The following DIP2A variants were observed in gnomAD, a reference collection of about 807,000 sequenced individuals.
DIP2A encodes disco-interacting protein 2 homolog A.
Under a neutral mutation model 177.4 loss-of-function variants are expected in DIP2A, and 85 were observed. The ratio of observed to expected loss-of-function variants is 0.48; its 90% CI spans 0.40 to 0.57. The LOEUF (loss-of-function observed/expected upper bound fraction) is 0.57. DIP2A is among the 20% of genes least tolerant of loss of function. The pLI, the probability that DIP2A is intolerant of heterozygous loss-of-function variation, is 0.00. For synonymous variants in DIP2A, 886 were observed against 881.8 expected, an observed-to-expected ratio of 1.00 and a Z score of -0.08; for missense variants, 1,791 against 2,100.2, an observed-to-expected ratio of 0.85 and a Z score of 2.88.
intron 1 of DIP2A, among the ~76,000 whole-genome samples, chr21:46,473,653 T>A (rs11701902): frequency 0.36 from 54,872 of 151,916 alleles, 10,458 homozygotes; most frequent in African/African-American, 0.49. Flanking sequence ...ATAGTTGGGA[T>A]TACAGGCGTG....
intron 8 of DIP2A, among the ~76,000 whole-genome samples, chr21:46,526,102 G>T (rs2059076189): frequency 1.3e-5 from 2 of 151,500 alleles, no homozygotes; most frequent in African/African-American, 4.9e-5. Flanking sequence ...TAGAGATGGG[G>T]TTTCACCATG....
chr21:46,518,398 T>C (rs1362588781), intron 8 of DIP2A, among the ~76,000 whole-genome samples: 2 of 152,218 alleles, frequency 1.3e-5, no homozygotes, highest in Non-Finnish European at 2.9e-5. Context: ...TTATCAGCAC[T>C]TGGTATTGTC....
intron 1 of DIP2A, 47 bp downstream of exon 1, chr21:46,459,269 G>T: frequency 1.4e-6 from 2 of 1,457,420 alleles, no homozygotes; most frequent in Non-Finnish European, 1.8e-6. Context: ...CCTCAGCCCG[G>T]TCCCCCGCGC....
chr21:46,509,426 C>A, intron 7 of DIP2A, 50 bp downstream of exon 7: 1 of 1,563,558 alleles, frequency 6.4e-7, no homozygotes, highest in Non-Finnish European at 8.7e-7. Flanking sequence ...AAAGGGTGGC[C>A]ACGAAGTTGA....
the DIP2A span, among the ~76,000 whole-genome samples, chr21:46,576,110 T>C: frequency 6.6e-6 from 1 of 152,226 alleles, no homozygotes; most frequent in Non-Finnish European, 1.5e-5. Flanking sequence ...TGAAAGCAAG[T>C]GACCCCCGAT....
downstream of DIP2A, among the ~76,000 whole-genome samples, chr21:46,572,670 C>T (rs1363956568): frequency 1.3e-5 from 2 of 152,164 alleles, no homozygotes; most frequent in Non-Finnish European, 2.9e-5. Flanking sequence ...CAAGAAGACC[C>T]TGACCTGATG....
rs551846932 is a variant in DIP2A, at chr21:46,566,500, A to C, written c.4340-60A>C. The C allele has an allele frequency of 3.7e-6, 6 of 1,609,652 alleles. No individual in the cohort carries two copies. In the East Asian group the frequency reaches 1.3e-4, roughly 36 times the overall value. Reference sequence around the variant, plus strand: ...CCCCTGGTTGGGCTCAGAGGATACGAATGTCCAGACTCTGCATGCCTTGGC... The same window carrying C: ...CCCCTGGTTGGGCTCAGAGGATACGCATGTCCAGACTCTGCATGCCTTGGC... On this transcript the variant is annotated intron_variant, in intron 36 of 37. Transcript: ENST00000417564.
rs1218164001 is a variant in DIP2A, at chr21:46,556,337, G to T, written c.3498+246G>T. On this transcript the variant is annotated intron_variant, in intron 29 of 37. Coordinates refer to ENST00000417564, the MANE Select transcript of DIP2A (RefSeq NM_015151.4). This position sits in a 1 kb window ranked among gnomAD's most constrained non-coding sequence, Gnocchi z 4.5. Reference sequence around the variant, plus strand: ...CTGATTTATGACTGTCTAGCTTACAGGAACTGGTGGCTTTGAAGAATCTCT... The same window carrying T: ...CTGATTTATGACTGTCTAGCTTACATGAACTGGTGGCTTTGAAGAATCTCT... 11 of 1,453,966 alleles carry T rather than the reference G, an allele frequency of 7.6e-6. No homozygotes were observed. Among genetic ancestry groups the T allele is most frequent in the Non-Finnish European group, 9.2e-6 (10 of 1,086,020 alleles). 90.1% of individuals were successfully genotyped at this position (1,453,966 alleles called of 1,614,324 possible).
downstream of DIP2A, among the ~76,000 whole-genome samples, chr21:46,572,783 A>G (rs940053768): frequency 3.3e-5 from 5 of 152,242 alleles, no homozygotes; most frequent in African/African-American, 1.2e-4. Flanking sequence ...TAAGCAACAT[A>G]CAATGGACTG....
Position 46,567,435 on chromosome 21 carries a change from C to T in DIP2A, c.4529C>T (p.Ala1510Val), listed in dbSNP as rs1426220736. 1.9e-6 allele frequency: 3 copies of T among 1,613,944 alleles called. No individual in the cohort carries two copies. Among genetic ancestry groups the T allele is most frequent in the Non-Finnish European group, 1.7e-6 (2 of 1,179,894 alleles). Residue 1510 changes from alanine (A) to valine (V), a missense_variant, in exon 38 of 38, where the codon GCC (alanine) becomes GTC (valine). By Grantham distance (64) the Ala-to-Val change is moderately conservative. Coordinates refer to ENST00000417564, the MANE Select transcript of DIP2A (RefSeq NM_015151.4). ...GAGCTGGATGGGCTAGAGCAGGATG[C>T]CCTGGACCTGGTGGCCCTGGTGACC... ...VVELDGLEQDALDLVALVTNV... is the reference protein window; with the variant it reads ...VVELDGLEQDVLDLVALVTNV...
rs377625175 is a variant in DIP2A at position 46,550,795 on chromosome 21, C to T, written c.2839+51C>T. ...CTCTCTAGTCTAACAGTGGTAACAG[C>T]GGTGCTTGTGGTTAGGGTGCGGCCC... On this transcript the variant is annotated intron_variant, in intron 23 of 37. Transcript: ENST00000417564. The T allele has an allele frequency of 6.3e-5, 99 of 1,580,976 alleles. No homozygotes were observed. In the Admixed American group the frequency reaches 6.9e-4, roughly 11 times the overall value.
At chr21:46,559,211 T>G (rs1252267265) in intron 32 of DIP2A, 1 of 152,116 alleles carries the variant, frequency 6.6e-6, no homozygotes, top group Non-Finnish European at 1.5e-5. Flanking sequence ...GTTGCCCAGA[T>G]TTTGTACTAG....
intron 35 of DIP2A, among the ~76,000 whole-genome samples, chr21:46,564,531 C>A (rs2060773011): frequency 6.7e-6 from 1 of 149,702 alleles, no homozygotes; most frequent in South Asian, 2.1e-4. Flanking sequence ...GCAGTGGTGG[C>A]AGCTTGACGT....
intron 5 of DIP2A, among the ~76,000 whole-genome samples, chr21:46,499,305 T>A (rs2057527113): frequency 6.6e-6 from 1 of 152,220 alleles, no homozygotes; most frequent in South Asian, 2.1e-4. Flanking sequence ...TCATAACACC[T>A]TCCTGCTCTT....
At chr21:46,468,261 C>A (rs1397492615) in intron 1 of DIP2A, among the ~76,000 whole-genome samples, 993 of 87,546 alleles carry the variant, frequency 0.011, no homozygotes, top group African/African-American at 0.013. Flanking sequence ...GAGACTGTCT[C>A]AAAAAAAAAA....
At chr21:46,582,321 T>A in the DIP2A span, among the ~76,000 whole-genome samples, 7 of 152,140 alleles carry the variant, frequency 4.6e-5, no homozygotes, top group Non-Finnish European at 1.0e-4. Context: ...AGACTGGAGC[T>A]GCAGTGATGG....
chr21:46,569,647 A>G lies in DIP2A; in HGVS notation c.*2025A>G, dbSNP rs2060927285. ...AAAATGTTTTAGAATTACTCTGGGAATTCTGTATATCACACTAAAATTTTT... is the reference window on the plus strand; with the variant it reads ...AAAATGTTTTAGAATTACTCTGGGAGTTCTGTATATCACACTAAAATTTTT... On this transcript the variant is annotated 3_prime_UTR_variant, in exon 38 of 38. Coordinates refer to ENST00000417564, the MANE Select transcript of DIP2A (RefSeq NM_015151.4). 6.6e-6 allele frequency: 1 copy of G among 152,220 alleles called. No individual in the cohort carries two copies. The highest frequency in any genetic ancestry group is 1.5e-5 in the Non-Finnish European group (1 of 68,034). The allele number at this position is 152,220 out of a possible 1,614,324, so 9.4% of individuals were successfully genotyped here.
intron 33 of DIP2A, 121 bp from the exon 34 acceptor site, chr21:46,561,627 G>A (rs1427707390): frequency 1.5e-6 from 2 of 1,295,212 alleles, no homozygotes; most frequent in Non-Finnish European, 2.2e-6. Flanking sequence ...TGGAAAGGTT[G>A]ACATCCTGAC....
intron 8 of DIP2A, among the ~76,000 whole-genome samples, chr21:46,528,456 G>A (rs1312145377): frequency 7.5e-6 from 1 of 133,042 alleles, no homozygotes; most frequent in Non-Finnish European, 1.5e-5. Context: ...GTTTATATGT[G>A]TATAGCTGTA....
Sources: allele counts gnomAD v4.1 joint callset (sites outside exome capture counted in the v4.1 genomes callset), GRCh38; gene constraint gnomAD v4.1.1; non-coding constraint Gnocchi (gnomAD v3.1); transcripts MANE v1.5; gene names NCBI Gene and HGNC (gene_info 2026-07-23, HGNC 2026-07-21).